DIP2C: variants seen among roughly 807,000 people sequenced by gnomAD.
DIP2C encodes the protein disco-interacting protein 2 homolog C.
Under a neutral mutation model 192.4 loss-of-function variants are expected in DIP2C, and 33 were observed. That is an observed-to-expected ratio of 0.17 (90% CI 0.13 to 0.23). The LOEUF (loss-of-function observed/expected upper bound fraction) is 0.23. DIP2C is among the 10% of genes least tolerant of loss of function. The pLI is 1.00. For missense variants in DIP2C, 1,537 were observed against 2,110.1 expected, an observed-to-expected ratio of 0.73 and a Z score of 5.32; for synonymous variants, 979 against 864.1, an observed-to-expected ratio of 1.13 and a Z score of -2.33.
chr10:325,903 C>T (rs946228136), intron 31 of DIP2C, among the ~76,000 whole-genome samples: 7 of 151,970 alleles, frequency 4.6e-5, no homozygotes, highest in East Asian at 1.9e-4. Context: ...AAAAAAAGGC[C>T]GGGTGCAGTG....
At chr10:370,624 G>A (rs1032789209) in intron 17 of DIP2C, among the ~76,000 whole-genome samples, 3 of 152,162 alleles carry the variant, frequency 2.0e-5, no homozygotes, top group Non-Finnish European at 4.4e-5. Context: ...CTGAATTTGC[G>A]AACAAATAAG....
At chr10:649,612 T>C (rs1435966920) in intron 1 of DIP2C, among the ~76,000 whole-genome samples, 1 of 152,248 alleles carries the variant, frequency 6.6e-6, no homozygotes, top group East Asian at 1.9e-4. Context: ...ACTCAGGGTT[T>C]TGTCACGTTA....
intron 1 of DIP2C, chr10:630,726 T>C (rs1854467906): frequency 6.6e-6 from 1 of 152,306 alleles, no homozygotes; most frequent in Non-Finnish European, 1.5e-5. Flanking sequence ...GGAGGGAGTC[T>C]TGTCCTCAAG....
chr10:300,304 T>C (rs773366275), intron 32 of DIP2C, among the ~76,000 whole-genome samples: 25 of 152,350 alleles, frequency 1.6e-4, no homozygotes, highest in African/African-American at 4.6e-4. Flanking sequence ...GGAAATATTA[T>C]TCAATCTTAA....
intron 1 of DIP2C, among the ~76,000 whole-genome samples, chr10:645,682 T>G (rs1319836722): frequency 6.6e-6 from 1 of 152,216 alleles, no homozygotes; most frequent in Non-Finnish European, 1.5e-5. Flanking sequence ...AACAATTATA[T>G]ACCCATCCTA....
At chr10:281,700 G>A (rs1698472797) in intron 35 of DIP2C, among the ~76,000 whole-genome samples, 1 of 152,248 alleles carries the variant, frequency 6.6e-6, no homozygotes, top group African/African-American at 2.4e-5. Flanking sequence ...GGCCTCGTCT[G>A]CCCAAGATCA....
At chr10:393,818 A>C (rs996390837) in intron 10 of DIP2C, among the ~76,000 whole-genome samples, 7 of 147,074 alleles carry the variant, frequency 4.8e-5, no homozygotes, top group African/African-American at 1.8e-4. Context: ...AAAAAGAAAA[A>C]GGAAAAGGAA....
At position 666,604 on chromosome 10, in the gene DIP2C, C is replaced by A. The variant is rs1183602895; in HGVS notation, c.85+22890G>T. On this transcript the variant is annotated intron_variant, in intron 1 of 36. Transcript: ENST00000280886. This position sits in a 1 kb window ranked among gnomAD's most constrained non-coding sequence, Gnocchi z 4.1. ...GCCACGAGGTCGGCCCGTGGCCTGT[C>A]TGCCCGTGGCCTGTCTGCCCGTGGC... The A allele has an allele frequency of 7.8e-4, 1 of 1,276 alleles. No individual in the cohort carries two copies. Among genetic ancestry groups the A allele is most frequent in the East Asian group, 9.6e-3 (1 of 104 alleles). 0.1% of individuals were successfully genotyped at this position (1,276 alleles called of 1,614,324 possible). A position where few individuals can be genotyped will look rare whatever the true frequency, so the allele number is the denominator to read the frequency against.
chr10:669,771 T>C (rs141088535), intron 1 of DIP2C, among the ~76,000 whole-genome samples: 159 of 152,312 alleles, frequency 1.0e-3, no homozygotes, highest in South Asian at 8.5e-3. Context: ...TATGCAAAAG[T>C]GATCTGAAGA....
At chr10:662,676 A>C in intron 1 of DIP2C, 1 of 560,514 alleles carries the variant, frequency 1.8e-6, no homozygotes, top group Non-Finnish European at 3.2e-6. Context: ...ATCTTTTTAA[A>C]ATTGTTATCA....
At chr10:469,992 A>G (rs368430047) in intron 3 of DIP2C, among the ~76,000 whole-genome samples, 1 of 152,282 alleles carries the variant, frequency 6.6e-6, no homozygotes, top group African/African-American at 2.4e-5. Context: ...GAAGAAAGTG[A>G]GAGGTGGGGA....
At chr10:331,668 G>A (rs1008474171) in intron 29 of DIP2C, among the ~76,000 whole-genome samples, 2 of 152,196 alleles carry the variant, frequency 1.3e-5, no homozygotes, top group Non-Finnish European at 1.5e-5. Context: ...TTTTATATCA[G>A]GGACTTGAGC....
intron 11 of DIP2C, 24 bp downstream of exon 11, chr10:390,716 G>A: frequency 6.2e-7 from 1 of 1,607,110 alleles, no homozygotes. Context: ...GGGCATGCGA[G>A]CTCTCGGAGG....
intron 24 of DIP2C, among the ~76,000 whole-genome samples, chr10:352,239 T>G (rs529174053): frequency 6.6e-6 from 1 of 152,386 alleles, no homozygotes; most frequent in South Asian, 2.1e-4. Context: ...GAGGCTCAGA[T>G]GAGACACAGC....
chr10:383,717 G>C (rs1005753890), intron 16 of DIP2C, among the ~76,000 whole-genome samples: 1 of 152,090 alleles, frequency 6.6e-6, no homozygotes, highest in Admixed American at 6.6e-5. Flanking sequence ...TACAGCCGGG[G>C]AAACAGGGTC....
In DIP2C at chr10:389,562, C is replaced by T. The variant is rs565501827; in HGVS notation, c.1597+429G>A. Among the ~76,000 whole-genome samples, 24 of 152,324 alleles carry T rather than the reference C, an allele frequency of 1.6e-4. No homozygotes were observed. In the East Asian group the frequency reaches 3.3e-3, roughly 21 times the overall value. ...ATGTGCACCCAGGGATGAAGCTCCACGGCGTTAACAGCGTCTCCCCAGATC... is the reference window on the plus strand; with the variant it reads ...ATGTGCACCCAGGGATGAAGCTCCATGGCGTTAACAGCGTCTCCCCAGATC... On this transcript the variant is annotated intron_variant, in intron 13 of 36. Transcript: ENST00000280886.
chr10:599,247 C>T (rs1031087817), intron 1 of DIP2C, among the ~76,000 whole-genome samples: 3 of 152,200 alleles, frequency 2.0e-5, no homozygotes, highest in Admixed American at 2.0e-4. Flanking sequence ...GAATCCACCA[C>T]ACACAGAAAG....
intron 1 of DIP2C, chr10:665,388 T>G (rs999299875): frequency 6.6e-6 from 1 of 152,168 alleles, no homozygotes; most frequent in Non-Finnish European, 1.5e-5. Flanking sequence ...GGATAGGTAA[T>G]AAATAATTAT....
At chr10:338,916 ACCTGCAC>A (rs1296227318) in intron 29 of DIP2C, among the ~76,000 whole-genome samples, 1 of 135,742 alleles carries the variant, frequency 7.4e-6, no homozygotes. Flanking sequence ...AGCCCACGCC[ACCTGCAC>A]CCTGCACCCT....
Sources: gnomAD v4.1 joint callset for allele counts (sites outside exome capture counted in the v4.1 genomes callset) on GRCh38, gnomAD v4.1.1 for gene constraint, Gnocchi (gnomAD v3.1) non-coding constraint, MANE v1.5 for transcripts, NCBI Gene and HGNC (gene_info 2026-07-23, HGNC 2026-07-21) for gene names.